The following KHDRBS2 variants were observed in gnomAD, a reference collection of about 807,000 sequenced individuals.
KHDRBS2 encodes KH RNA binding domain containing, signal transduction associated 2.
KHDRBS2 carries 26 observed loss-of-function variants against 44.3 expected under a neutral mutation model. That is an observed-to-expected ratio of 0.59 (90% CI 0.43 to 0.81). The LOEUF (loss-of-function observed/expected upper bound fraction) is 0.81. Ranked by LOEUF, KHDRBS2 falls within the 40% of genes least tolerant of loss-of-function variation. KHDRBS2 has a pLI of 0.00. For synonymous variants in KHDRBS2, 194 were observed against 151.1 expected, an observed-to-expected ratio of 1.28 and a Z score of -2.08; for missense variants, 476 against 433.1, an observed-to-expected ratio of 1.10 and a Z score of -0.88.
the KHDRBS2 span, among the ~76,000 whole-genome samples, chr6:61,608,555 A>G: frequency 6.6e-6 from 1 of 152,000 alleles, no homozygotes; most frequent in Non-Finnish European, 1.5e-5. Flanking sequence ...CATCATCTAC[A>G]TTAAGTATCC....
chr6:61,649,671 A>G, the KHDRBS2 span, among the ~76,000 whole-genome samples: 2 of 152,172 alleles, frequency 1.3e-5, no homozygotes, highest in Admixed American at 6.5e-5. Flanking sequence ...AAACTTAAGG[A>G]TCATACATAA....
At chr6:61,949,619 C>G (rs144021890) in intron 4 of KHDRBS2, among the ~76,000 whole-genome samples, 14 of 152,028 alleles carry the variant, frequency 9.2e-5, no homozygotes, top group South Asian at 8.3e-4. Context: ...TATTTTTATA[C>G]ATGACATACT....
At chr6:61,625,872 T>C in the KHDRBS2 span, among the ~76,000 whole-genome samples, 1 of 152,200 alleles carries the variant, frequency 6.6e-6, no homozygotes, top group Admixed American at 6.5e-5. Context: ...CTCTAATATG[T>C]GATAGAAATG....
intron 2 of KHDRBS2, among the ~76,000 whole-genome samples, chr6:62,166,172 G>A (rs571567731): frequency 6.6e-6 from 1 of 152,100 alleles, no homozygotes; most frequent in Admixed American, 6.6e-5. Flanking sequence ...TTATAAGGCT[G>A]AATAACATTC....
At chr6:62,272,167 G>A (rs1249960129) in intron 1 of KHDRBS2, among the ~76,000 whole-genome samples, 2 of 152,102 alleles carry the variant, frequency 1.3e-5, no homozygotes, top group Admixed American at 1.3e-4. Flanking sequence ...ACAGTAACAT[G>A]CTGTACAGCT....
chr6:62,110,411 T>A (rs1487664501), intron 2 of KHDRBS2, among the ~76,000 whole-genome samples: 5 of 151,994 alleles, frequency 3.3e-5, no homozygotes, highest in African/African-American at 9.7e-5. Context: ...AGAGCCAAAC[T>A]TGGAAAGAAA....
At chr6:61,733,333 G>A (rs1278023537) in intron 6 of KHDRBS2, among the ~76,000 whole-genome samples, 1 of 152,182 alleles carries the variant, frequency 6.6e-6, no homozygotes, top group Non-Finnish European at 1.5e-5. Context: ...GCTCATGCCT[G>A]TAATCCCAGC....
intron 4 of KHDRBS2, among the ~76,000 whole-genome samples, chr6:61,959,178 G>A (rs1768080061): frequency 6.6e-6 from 1 of 152,104 alleles, no homozygotes; most frequent in Non-Finnish European, 1.5e-5. Flanking sequence ...ACTTCACAGG[G>A]AGTTATTGGA....
chr6:61,967,159 G>C, intron 4 of KHDRBS2, among the ~76,000 whole-genome samples: 1 of 140,388 alleles, frequency 7.1e-6, no homozygotes, highest in East Asian at 2.1e-4. Flanking sequence ...TGTGTGCCAT[G>C]TTTAAATGAT....
At chr6:61,833,222 T>C (rs1792116252) in intron 6 of KHDRBS2, among the ~76,000 whole-genome samples, 1 of 152,196 alleles carries the variant, frequency 6.6e-6, no homozygotes, top group South Asian at 2.1e-4. Context: ...ATTATTGGCA[T>C]TGGTATGAAT....
At chr6:62,194,193 A>G (rs1316107141) in intron 1 of KHDRBS2, among the ~76,000 whole-genome samples, 1 of 152,030 alleles carries the variant, frequency 6.6e-6, no homozygotes, top group Non-Finnish European at 1.5e-5. Context: ...CAGGAGTTTT[A>G]TAACTTCAGC....
chr6:62,217,970 T>C (rs1830294929), intron 1 of KHDRBS2, among the ~76,000 whole-genome samples: 1 of 151,736 alleles, frequency 6.6e-6, no homozygotes, highest in South Asian at 2.1e-4. Context: ...AAAAGACTAA[T>C]GAAGAGGAGG....
At chr6:61,891,157 T>C (rs1195161082) in intron 6 of KHDRBS2, among the ~76,000 whole-genome samples, 1 of 152,186 alleles carries the variant, frequency 6.6e-6, no homozygotes, top group Admixed American at 6.5e-5. Flanking sequence ...GAGGACAGCA[T>C]GTTTATGGAT....
intron 2 of KHDRBS2, among the ~76,000 whole-genome samples, chr6:62,161,574 G>GGA (rs1491124663): frequency 1.6e-4 from 1 of 6,098 alleles, no homozygotes; most frequent in African/African-American, 3.2e-4. Context: ...TGGTATTTGC[G>GGA]GGGGGGGGGG....
chr6:61,922,902 G>A (rs1438624394), intron 4 of KHDRBS2, among the ~76,000 whole-genome samples: 1 of 152,060 alleles, frequency 6.6e-6, no homozygotes, highest in Non-Finnish European at 1.5e-5. Context: ...AATCAATTCA[G>A]AATCACCAGG....
In KHDRBS2 at chr6:62,169,922, C is replaced by A. The variant is rs550760809; in HGVS notation, c.219+7263G>T. 9.8e-4 allele frequency among the ~76,000 whole-genome samples: 148 copies of A among 151,602 alleles called. 1 individual carries two copies. The highest frequency in any genetic ancestry group is 2.9e-4 in the Non-Finnish European group (20 of 67,962). On this transcript the variant is annotated intron_variant, in intron 2 of 8. Transcript: ENST00000281156. ...CACCCTCACCAGACAAAGCTTGAGG[C>A]CAGCTTCTGTCCCAGTGGTCCCTCT...
intron 1 of KHDRBS2, among the ~76,000 whole-genome samples, chr6:62,207,218 T>C (rs1226811159): frequency 1.3e-5 from 2 of 152,098 alleles, no homozygotes; most frequent in Admixed American, 1.3e-4. Context: ...AGTGTAAAGA[T>C]TCTGTAAATG....
At chr6:61,950,813 T>C (rs1764582998) in intron 4 of KHDRBS2, among the ~76,000 whole-genome samples, 1 of 152,076 alleles carries the variant, frequency 6.6e-6, no homozygotes, top group South Asian at 2.1e-4. Context: ...TTTCTTTATG[T>C]ATACATATTA....
intron 4 of KHDRBS2, among the ~76,000 whole-genome samples, chr6:61,956,782 T>C (rs1346869927): frequency 1.3e-5 from 2 of 152,176 alleles, no homozygotes; most frequent in African/African-American, 4.8e-5. Flanking sequence ...ACAAAAAGTA[T>C]CTGTGCCTTA....
Sources: gnomAD v4.1 joint callset for allele counts (sites outside exome capture counted in the v4.1 genomes callset) on GRCh38, gnomAD v4.1.1 for gene constraint, MANE v1.5 for transcripts, NCBI Gene and HGNC (gene_info 2026-07-23, HGNC 2026-07-21) for gene names.